The following SEC16B variants were observed in gnomAD, a reference collection of about 807,000 sequenced individuals.
SEC16B encodes the protein SEC16 homolog B, endoplasmic reticulum export factor.
SEC16B carries 115 observed loss-of-function variants against 141.8 expected under a neutral mutation model. That is an observed-to-expected ratio of 0.81 (90% confidence interval 0.70 to 0.95). SEC16B has a LOEUF of 0.95. Ranked by LOEUF, SEC16B falls within the 40% of genes least tolerant of loss-of-function variation. The probability of loss-of-function intolerance (pLI) is 0.00; values close to 1 mark genes in which losing one functional copy is unlikely to be tolerated. For synonymous variants in SEC16B, 493 were observed against 492.5 expected, an observed-to-expected ratio of 1.00 and a Z score of -0.01; for missense variants, 1,291 against 1,312.3, an observed-to-expected ratio of 0.98 and a Z score of 0.25.
At position 177,957,523 on chromosome 1, in the gene SEC16B, G is replaced by T. The variant is rs564295602; in HGVS notation, c.1365+609C>A. 4.6e-5 allele frequency among the ~76,000 whole-genome samples: 7 copies of T among 152,014 alleles called. No homozygotes were observed. The East Asian group carries it at 1.4e-3, about 29-fold the overall frequency. ...GTATTATCTTTTTTATTTTTAATTT[G>T]TATGAGTACATAGTAGGTATATATA... On this transcript the variant is annotated intron_variant, in intron 10 of 25. Transcript: ENST00000308284.
At chr1:177,958,426 G>A in intron 9 of SEC16B, 64 bp from the exon 10 acceptor site, 2 of 1,333,260 alleles carry the variant, frequency 1.5e-6, no homozygotes, top group Non-Finnish European at 1.0e-6. Flanking sequence ...AGCCCCAGCT[G>A]GAGAAGGAAG....
At chr1:177,959,049 T>TA in intron 8 of SEC16B, 74 bp from the exon 9 acceptor site, 1 of 1,507,170 alleles carries the variant, frequency 6.6e-7, no homozygotes, top group Non-Finnish European at 9.0e-7. Flanking sequence ...AGGCTCCTCC[T>TA]AAGTGTGCAA....
intron 5 of SEC16B, 139 bp from the exon 6 acceptor site, chr1:177,961,873 A>T (rs565887598): frequency 1.2e-6 from 1 of 842,738 alleles, no homozygotes; most frequent in Non-Finnish European, 1.9e-6. Flanking sequence ...GTTGATAGGC[A>T]TTTGCCAAAG....
chr1:177,967,595 A>G lies in SEC16B; in HGVS notation c.299+88T>C, dbSNP rs866471338. The G allele has an allele frequency of 1.1e-4, 146 of 1,350,160 alleles. 4 individuals are homozygous for G. The Middle Eastern group carries it at 9.4e-3, about 87-fold the overall frequency. The allele number at this position is 1,350,160 out of a possible 1,614,324, so 83.6% of individuals were successfully genotyped here. A position where few individuals can be genotyped will look rare whatever the true frequency, so the allele number is the denominator to read the frequency against. ...GAAGGAAAAAGAAAAAAGGGGGAGA[A>G]AAATAAAAGGAAAAGGAAGAAGGAA... On this transcript the variant is annotated intron_variant, in intron 2 of 25. Transcript: ENST00000308284.
At position 177,947,909 on chromosome 1, in the gene SEC16B, G is replaced by T. The variant is rs1651859698; in HGVS notation, c.1579C>A (p.Pro527Thr). The T allele has an allele frequency of 5.1e-6, 8 of 1,558,042 alleles. No individual in the cohort carries two copies. The highest frequency in any genetic ancestry group is 7.0e-6 in the Non-Finnish European group (8 of 1,150,752). Residue 527 changes from proline (P) to threonine (T), a missense_variant, in exon 13 of 26, where the codon CCT becomes ACT. By Grantham distance (38) the Pro-to-Thr change is conservative. Around this residue, in one of 3 missense-constraint regions of SEC16B, gnomAD observed 681 missense variants for 675.5 expected, o/e 1.01. Transcript: ENST00000308284. ...TTCGACAGAATCACAGCCAAGTGAG[G>T]CCTCCAGTCTCCCCACTGCTTTTCT... The part of the protein sequence containing the change: ...CGEKQWGDWR[P>T]HLAVILSNQA...
chr1:177,930,590 G>A lies in SEC16B; in HGVS notation c.3066C>T (p.Ala1022=). 6.2e-7 allele frequency: 1 copy of A among 1,613,820 alleles called. No homozygotes were observed. Among genetic ancestry groups the A allele is most frequent in the East Asian group, 2.2e-5 (1 of 44,878 alleles). The change falls in exon 25 of 26, where the codon GCC becomes GCT. Residue 1022 remains alanine (A), a synonymous_variant. Coordinates refer to ENST00000308284, the MANE Select transcript of SEC16B (RefSeq NM_033127.4). The part of the protein sequence containing the change: ...SNPGVLLPPP[A]LKGAVPLYNP... ...TGTAAAGAGGAACAGCCCCTTTTAAGGCAGGTGGAGGAAGAAGAACACCAG... is the reference window on the plus strand; with the variant it reads ...TGTAAAGAGGAACAGCCCCTTTTAAAGCAGGTGGAGGAAGAAGAACACCAG...
At chr1:177,952,041 C>G in intron 11 of SEC16B, 46 bp from the exon 12 acceptor site, 1 of 1,511,904 alleles carries the variant, frequency 6.6e-7, no homozygotes, top group Non-Finnish European at 9.0e-7. Context: ...CAGGGAACCT[C>G]TTTACCCATT....
intron 14 of SEC16B, chr1:177,946,031 C>T (rs986031538): frequency 6.2e-5 from 25 of 403,644 alleles, no homozygotes; most frequent in Non-Finnish European, 8.3e-5. Context: ...TCCAGTTTTG[C>T]CTGGGTAGGC....
At chr1:177,945,132 A>C (rs1353744082) in intron 14 of SEC16B, among the ~76,000 whole-genome samples, 1 of 152,208 alleles carries the variant, frequency 6.6e-6, no homozygotes, top group East Asian at 1.9e-4. Flanking sequence ...TGAGACCAAA[A>C]GGCATGGCAG....
In SEC16B at chr1:177,937,600, C is replaced by T. The variant is rs564156797; in HGVS notation, c.2204-87G>A. ...ACACCAGAAACATTCCTGCTTATGTCTTCTTTGGAAAGCAGTCACAAGGAC... is the reference window on the plus strand; with the variant it reads ...ACACCAGAAACATTCCTGCTTATGTTTTCTTTGGAAAGCAGTCACAAGGAC... On this transcript the variant is annotated intron_variant, in intron 18 of 25. Transcript: ENST00000308284. 24 of 1,211,972 alleles carry T rather than the reference C, an allele frequency of 2.0e-5. No homozygotes were observed. The African/African-American group carries it at 3.5e-4, about 18-fold the overall frequency. 75.1% of individuals were successfully genotyped at this position (1,211,972 alleles called of 1,614,324 possible).
chr1:177,957,412 T>G (rs1432669487), intron 10 of SEC16B, among the ~76,000 whole-genome samples: 1 of 152,030 alleles, frequency 6.6e-6, no homozygotes, highest in African/African-American at 2.4e-5. Context: ...AAAAGAGAAA[T>G]AAACAACTGT....
At chr1:177,934,612 A>G (rs1650700671) in intron 20 of SEC16B, among the ~76,000 whole-genome samples, 1 of 152,160 alleles carries the variant, frequency 6.6e-6, no homozygotes, top group African/African-American at 2.4e-5. Flanking sequence ...TTATTATCTC[A>G]TTTTATATAT....
chr1:177,983,267 G>A (rs538152842), intron 1 of SEC16B, among the ~76,000 whole-genome samples: 9 of 152,250 alleles, frequency 5.9e-5, no homozygotes, highest in Middle Eastern at 3.4e-3. Flanking sequence ...ATCAATGCCA[G>A]GATCCGAATC....
Position 177,944,496 on chromosome 1 carries a change from C to T in SEC16B, c.1881+65G>A, listed in dbSNP as rs1330115828. 4 of 1,335,310 alleles carry T rather than the reference C, an allele frequency of 3.0e-6. No homozygotes were observed. The Admixed American group carries it at 7.8e-5, about 26-fold the overall frequency. The allele number at this position is 1,335,310 out of a possible 1,614,324, so 82.7% of individuals were successfully genotyped here. ...AGGTACTAAGTGCCAAAAAGCAAAG[C>T]TGCAAATACAGCTGCCTGCAGCTGC... is the stretch of plus-strand genomic sequence containing the variant. On this transcript the variant is annotated intron_variant, in intron 15 of 25. Coordinates refer to ENST00000308284, the MANE Select transcript of SEC16B (RefSeq NM_033127.4).
intron 6 of SEC16B, chr1:177,961,142 C>T (rs1008469415): frequency 3.2e-5 from 18 of 570,362 alleles, no homozygotes; most frequent in African/African-American, 1.1e-4. Context: ...GAATACAATG[C>T]GTGGGCTTGA....
At chr1:177,964,143 C>T in intron 5 of SEC16B, 28 bp downstream of exon 5, 3 of 1,536,920 alleles carry the variant, frequency 2.0e-6, no homozygotes, top group Non-Finnish European at 2.7e-6. Flanking sequence ...TGGCCACAGT[C>T]TCCAGCCCCC....
chr1:177,947,912 T>C lies in SEC16B; in HGVS notation c.1576A>G (p.Arg526Gly). Residue 526 changes from arginine (R) to glycine (G), a missense_variant, in exon 13 of 26, where the codon AGG becomes GGG. By Grantham distance (125) the Arg-to-Gly change is moderately radical. Transcript: ENST00000308284. The stretch of plus-strand genomic sequence containing the variant: ...GACAGAATCACAGCCAAGTGAGGCC[T>C]CCAGTCTCCCCACTGCTTTTCTCCA... ...CCGEKQWGDW[R>G]PHLAVILSNQ... 6.4e-7 allele frequency: 1 copy of C among 1,557,626 alleles called. No homozygotes were observed. Among genetic ancestry groups the C allele is most frequent in the Non-Finnish European group, 8.7e-7 (1 of 1,150,496 alleles).
intron 20 of SEC16B, among the ~76,000 whole-genome samples, chr1:177,934,707 T>TG (rs1650706876): frequency 6.6e-6 from 1 of 152,156 alleles, no homozygotes; most frequent in African/African-American, 2.4e-5. Flanking sequence ...AAAAGTAGGC[T>TG]GTCTGGCTTT....
At chr1:177,938,286 C>T (rs1651012482) in intron 18 of SEC16B, among the ~76,000 whole-genome samples, 1 of 152,214 alleles carries the variant, frequency 6.6e-6, no homozygotes, top group South Asian at 2.1e-4. Flanking sequence ...CACTTCAGTG[C>T]TTCTGTGTCC....
Sources: gnomAD v4.1 joint callset for allele counts (sites outside exome capture counted in the v4.1 genomes callset) on GRCh38, gnomAD v4.1.1 for gene constraint, gnomAD v4.1.1 regional missense constraint, MANE v1.5 for transcripts, NCBI Gene and HGNC (gene_info 2026-07-23, HGNC 2026-07-21) for gene names.